The following PDE11A variants were observed in gnomAD, a reference collection of about 807,000 sequenced individuals.
PDE11A encodes dual 3',5'-cyclic-AMP and -GMP phosphodiesterase 11A.
A neutral mutation model predicts 100.5 loss-of-function variants in PDE11A; 100 were observed. The ratio of observed to expected loss-of-function variants is 1.00; its 90% CI spans 0.85 to 1.18. PDE11A has a LOEUF of 1.18. PDE11A is among the 50% of genes most tolerant of loss of function. PDE11A has a pLI of 0.00. For missense variants in PDE11A, 1,141 were observed against 1,152.6 expected (o/e 0.99, Z 0.15); for synonymous variants, 381 against 420.8 (o/e 0.91, Z 1.16).
intron 19 of PDE11A, among the ~76,000 whole-genome samples, chr2:177,652,273 A>C (rs1311304799): frequency 6.6e-6 from 1 of 152,208 alleles, no homozygotes; most frequent in Admixed American, 6.5e-5. Context: ...AGAGGCTAGA[A>C]TATCTACCTC....
intron 15 of PDE11A, among the ~76,000 whole-genome samples, chr2:177,684,088 C>T (rs1248495732): frequency 3.3e-5 from 5 of 152,170 alleles, no homozygotes; most frequent in Non-Finnish European, 7.4e-5. Flanking sequence ...CCAGTTTTCT[C>T]CTCTCACTAC....
At chr2:178,069,997 T>TG (rs1478094076) in intron 1 of PDE11A, among the ~76,000 whole-genome samples, 4 of 151,652 alleles carry the variant, frequency 2.6e-5, no homozygotes, top group African/African-American at 9.7e-5. Context: ...AAAAAGGATG[T>TG]GGGAAAAAAA....
chr2:177,998,129 T>TG, intron 2 of PDE11A: 1 of 1,196,790 alleles, frequency 8.4e-7, no homozygotes, highest in Non-Finnish European at 1.2e-6. Flanking sequence ...GCCACCAACT[T>TG]TACAAGTTGC....
At chr2:177,847,561 A>G (rs1374023393) in intron 5 of PDE11A, among the ~76,000 whole-genome samples, 3 of 152,186 alleles carry the variant, frequency 2.0e-5, no homozygotes, top group South Asian at 2.1e-4. Flanking sequence ...TGCCATGTAT[A>G]TAATTGTAAG....
intron 5 of PDE11A, among the ~76,000 whole-genome samples, chr2:177,866,296 G>A (rs937999583): frequency 6.6e-6 from 1 of 152,190 alleles, no homozygotes; most frequent in African/African-American, 2.4e-5. Flanking sequence ...GATGAGGGCA[G>A]GAACTGGGTC....
chr2:177,645,075 T>C (rs1469615079), intron 19 of PDE11A, among the ~76,000 whole-genome samples: 1 of 152,224 alleles, frequency 6.6e-6, no homozygotes, highest in Non-Finnish European at 1.5e-5. Flanking sequence ...AATACAAATA[T>C]GCACATGATA....
intron 2 of PDE11A, among the ~76,000 whole-genome samples, chr2:177,952,576 T>G (rs1439328970): frequency 6.6e-6 from 1 of 152,248 alleles, no homozygotes; most frequent in Non-Finnish European, 1.5e-5. Context: ...TTCTGAGGCC[T>G]GGTTCAGCTT....
intron 6 of PDE11A, among the ~76,000 whole-genome samples, chr2:177,834,464 T>C (rs2083358997): frequency 6.6e-6 from 1 of 152,316 alleles, no homozygotes; most frequent in African/African-American, 2.4e-5. Flanking sequence ...TCTTTTACAA[T>C]ATTAGGGGTG....
intron 1 of PDE11A, among the ~76,000 whole-genome samples, chr2:178,031,865 A>G (rs1010700208): frequency 6.6e-6 from 1 of 152,040 alleles, no homozygotes; most frequent in Non-Finnish European, 1.5e-5. Context: ...TGAAGCCAAG[A>G]CCCTCCTGAG....
At position 177,989,821 on chromosome 2, in the gene PDE11A, A is replaced by G. The variant is rs968436969; in HGVS notation, c.1071+24481T>C. ...AAAAGTAGCTGGAAATTACCATCACATCATAGCACTGAAAAAAAATAAAAA... is the reference window on the plus strand; with the variant it reads ...AAAAGTAGCTGGAAATTACCATCACGTCATAGCACTGAAAAAAAATAAAAA... On this transcript the variant is annotated intron_variant, in intron 2 of 19. Transcript: ENST00000286063. Among the ~76,000 whole-genome samples the G allele has an allele frequency of 2.6e-5, 4 of 152,288 alleles. No homozygotes were observed. In the South Asian group the frequency reaches 8.3e-4, roughly 32 times the overall value.
chr2:177,830,327 C>T (rs899159770), intron 6 of PDE11A, among the ~76,000 whole-genome samples: 1 of 152,056 alleles, frequency 6.6e-6, no homozygotes. Context: ...TGGCTGGGCG[C>T]GGTAGCTCAC....
chr2:177,932,830 G>GT (rs61653791), intron 2 of PDE11A, among the ~76,000 whole-genome samples: 5 of 135,010 alleles, frequency 3.7e-5, no homozygotes, highest in Non-Finnish European at 7.9e-5. Context: ...CTAGGCAAGA[G>GT]TTAAAAAAAA....
intron 12 of PDE11A, among the ~76,000 whole-genome samples, chr2:177,715,288 A>G (rs1423554858): frequency 6.6e-6 from 1 of 152,060 alleles, no homozygotes; most frequent in Non-Finnish European, 1.5e-5. Flanking sequence ...CAATCCTAAT[A>G]CTTTGAATGT....
intron 2 of PDE11A, among the ~76,000 whole-genome samples, chr2:177,935,350 T>C (rs965840769): frequency 1.3e-5 from 2 of 149,824 alleles, no homozygotes; most frequent in Non-Finnish European, 1.5e-5. Flanking sequence ...TTGGGCTAAA[T>C]AGCCACGAAT....
At chr2:177,968,232 T>C (rs968498430) in intron 2 of PDE11A, among the ~76,000 whole-genome samples, 2 of 152,222 alleles carry the variant, frequency 1.3e-5, no homozygotes, top group Admixed American at 6.5e-5. Context: ...TGTAAGATAT[T>C]CTTTTTTCTC....
chr2:177,911,955 T>C (rs980130093), intron 2 of PDE11A, among the ~76,000 whole-genome samples: 5 of 151,880 alleles, frequency 3.3e-5, no homozygotes, highest in African/African-American at 1.2e-4. Flanking sequence ...ACTATGAGAA[T>C]TGACATTCTG....
chr2:177,997,484 T>C (rs1309021856), intron 2 of PDE11A: 2 of 812,162 alleles, frequency 2.5e-6, no homozygotes, highest in Non-Finnish European at 4.4e-6. Flanking sequence ...GTGGAAGAGA[T>C]CCTTGATTAA....
chr2:177,867,331 CT>C (rs1261402552), intron 5 of PDE11A, among the ~76,000 whole-genome samples: 3 of 152,148 alleles, frequency 2.0e-5, no homozygotes, highest in Admixed American at 2.0e-4. Flanking sequence ...CACATAAAAC[CT>C]TCTGGTGCAT....
intron 19 of PDE11A, among the ~76,000 whole-genome samples, chr2:177,638,030 C>T (rs1207660892): frequency 4.7e-5 from 6 of 128,674 alleles, no homozygotes; most frequent in South Asian, 2.4e-4. Context: ...GATGGAGTCT[C>T]GCTCTGTCAC....
Sources: gnomAD v4.1 joint callset for allele counts (sites outside exome capture counted in the v4.1 genomes callset) on GRCh38, gnomAD v4.1.1 for gene constraint, MANE v1.5 for transcripts, NCBI Gene and HGNC (gene_info 2026-07-23, HGNC 2026-07-21) for gene names.